TASP1: variants seen among roughly 807,000 people sequenced by gnomAD.
TASP1 encodes the protein taspase 1.
In TASP1, 16 loss-of-function variants were observed where a neutral mutation model predicts 56.6. The observed-to-expected ratio is 0.28, with a 90% confidence interval of 0.19 to 0.43. TASP1 has a LOEUF of 0.43. Ranked by LOEUF, TASP1 falls within the 20% of genes least tolerant of loss-of-function variation. TASP1 has a pLI of 1.00. For missense variants in TASP1, 393 were observed against 511.6 expected (o/e 0.77, Z 2.24); for synonymous variants, 179 against 184.2 (o/e 0.97, Z 0.23).
the TASP1 span, among the ~76,000 whole-genome samples, chr20:13,137,108 CT>C: frequency 0.11 from 17,306 of 152,162 alleles, 1,088 homozygotes; most frequent in East Asian, 0.2. Flanking sequence ...AGAAGTTCCT[CT>C]TCAATCTGGG....
the TASP1 span, among the ~76,000 whole-genome samples, chr20:13,320,005 G>A: frequency 6.6e-6 from 1 of 152,334 alleles, no homozygotes; most frequent in East Asian, 1.9e-4. Context: ...GTTGGGGGCT[G>A]GAGAGTCTGC....
chr20:13,312,790 C>T, the TASP1 span, among the ~76,000 whole-genome samples: 1 of 152,114 alleles, frequency 6.6e-6, no homozygotes, highest in Admixed American at 6.5e-5. Context: ...AAATGAGGAC[C>T]CTGAAGCTCA....
At chr20:13,452,665 A>C (rs565334576) in intron 11 of TASP1, among the ~76,000 whole-genome samples, 2 of 152,176 alleles carry the variant, frequency 1.3e-5, no homozygotes, top group African/African-American at 4.8e-5. Flanking sequence ...ATATTTCTTA[A>C]GTAAATAAAT....
chr20:13,516,413 C>T (rs1280972216), intron 10 of TASP1, among the ~76,000 whole-genome samples: 1 of 152,166 alleles, frequency 6.6e-6, no homozygotes, highest in African/African-American at 2.4e-5. Flanking sequence ...AATTTTCAAA[C>T]ATGAAAGAGA....
the TASP1 span, among the ~76,000 whole-genome samples, chr20:13,217,222 A>G: frequency 2.0e-5 from 3 of 152,334 alleles, no homozygotes; most frequent in African/African-American, 7.2e-5. Flanking sequence ...ATAATCTGAA[A>G]CGGAGGAAAT....
chr20:13,429,388 G>A (rs1379155487), intron 12 of TASP1, among the ~76,000 whole-genome samples: 2 of 152,110 alleles, frequency 1.3e-5, no homozygotes, highest in Non-Finnish European at 2.9e-5. Flanking sequence ...GATGTGGAGT[G>A]GCCAGAGTTG....
the TASP1 span, among the ~76,000 whole-genome samples, chr20:13,157,430 T>G: frequency 0.017 from 2,615 of 151,700 alleles, 38 homozygotes; most frequent in Non-Finnish European, 0.023. Flanking sequence ...AGAGTGAAAC[T>G]CCATGTCAAA....
chr20:13,581,331 C>A (rs1338416100), intron 5 of TASP1, among the ~76,000 whole-genome samples: 17 of 152,174 alleles, frequency 1.1e-4, no homozygotes. Flanking sequence ...ATGGTACTAT[C>A]TTACTATCAA....
chr20:13,540,775 T>G (rs2045591757), intron 8 of TASP1, among the ~76,000 whole-genome samples: 1 of 152,206 alleles, frequency 6.6e-6, no homozygotes, highest in Non-Finnish European at 1.5e-5. Context: ...TATTCTATAT[T>G]TTGATAGGAG....
the TASP1 span, among the ~76,000 whole-genome samples, chr20:13,246,653 C>T: frequency 6.6e-6 from 1 of 152,222 alleles, no homozygotes; most frequent in Non-Finnish European, 1.5e-5. Context: ...AGTTTACCTA[C>T]TTGCCTGAAA....
intron 4 of TASP1, among the ~76,000 whole-genome samples, chr20:13,588,317 A>AGGAAGG (rs1568618436): frequency 4.4e-5 from 5 of 113,816 alleles, no homozygotes; most frequent in African/African-American, 1.5e-4. Context: ...AAGAGAAAGA[A>AGGAAGG]AAGGAAGGAA....
chr20:13,622,707 TTTTGTCATCATGTC>T (rs946133671), intron 4 of TASP1, among the ~76,000 whole-genome samples: 28 of 152,342 alleles, frequency 1.8e-4, no homozygotes, highest in African/African-American at 6.0e-4. Flanking sequence ...TCATCATTGT[TTTTGTCATCATGTC>T]TTACTTGATT....
intron 4 of TASP1, chr20:13,616,998 A>G: frequency 4.4e-6 from 2 of 452,324 alleles, no homozygotes; most frequent in Non-Finnish European, 8.9e-6. Flanking sequence ...ACAGCTCTTC[A>G]GGATACATTT....
intron 10 of TASP1, among the ~76,000 whole-genome samples, chr20:13,519,066 T>C (rs1238131182): frequency 6.6e-6 from 1 of 152,090 alleles, no homozygotes; most frequent in African/African-American, 2.4e-5. Context: ...CTAAGCAAAT[T>C]AATGCAGAAA....
At chr20:13,483,133 T>C in intron 11 of TASP1, 94 bp downstream of exon 11, 1 of 879,662 alleles carries the variant, frequency 1.1e-6, no homozygotes, top group Non-Finnish European at 1.7e-6. Flanking sequence ...TAGAGGTAGG[T>C]CTAGAAATAC....
chr20:13,577,654 C>G (rs1443672801), intron 6 of TASP1, among the ~76,000 whole-genome samples: 1 of 152,126 alleles, frequency 6.6e-6, no homozygotes, highest in Non-Finnish European at 1.5e-5. Flanking sequence ...AGTGTAAGGA[C>G]ACAGTGAGAA....
chr20:13,421,258 A>G (rs2042424971), intron 12 of TASP1, among the ~76,000 whole-genome samples: 1 of 151,912 alleles, frequency 6.6e-6, no homozygotes, highest in African/African-American at 2.4e-5. Context: ...TATTTTTAGT[A>G]GAGACAGGGT....
the TASP1 span, among the ~76,000 whole-genome samples, chr20:13,153,596 C>T: frequency 6.6e-6 from 1 of 152,034 alleles, no homozygotes; most frequent in Non-Finnish European, 1.5e-5. Flanking sequence ...AGCTAAAAAG[C>T]ATCTACCAAT....
chr20:13,497,406 A>G (rs578142105), intron 10 of TASP1, among the ~76,000 whole-genome samples: 24 of 152,362 alleles, frequency 1.6e-4, no homozygotes, highest in African/African-American at 4.8e-4. Flanking sequence ...GTGGTAAGAC[A>G]AAGGAAGATC....
Sources: gnomAD v4.1 joint callset for allele counts (sites outside exome capture counted in the v4.1 genomes callset) on GRCh38, gnomAD v4.1.1 for gene constraint, MANE v1.5 for transcripts, NCBI Gene and HGNC (gene_info 2026-07-23, HGNC 2026-07-21) for gene names.